The following RGS7 variants were observed in gnomAD, a reference collection of about 807,000 sequenced individuals.
RGS7 encodes the protein regulator of G-protein signaling 7.
In RGS7, 27 loss-of-function variants were observed where a neutral mutation model predicts 81.1. The ratio of observed to expected loss-of-function variants is 0.33; its 90% CI spans 0.25 to 0.46. RGS7 has a LOEUF of 0.46. RGS7 is among the 20% of genes least tolerant of loss of function. The pLI, the probability that RGS7 is intolerant of heterozygous loss-of-function variation, is 1.00. For synonymous variants in RGS7, 208 were observed against 207.7 expected (o/e 1.00, Z -0.01); for missense variants, 396 against 607.4 (o/e 0.65, Z 3.66).
At chr1:241,165,477 G>T (rs113892910) in intron 2 of RGS7, among the ~76,000 whole-genome samples, 21,736 of 151,748 alleles carry the variant, frequency 0.14, 1,950 homozygotes, top group Middle Eastern at 0.27. Flanking sequence ...CATGTCCTTT[G>T]TAGGGACATG....
rs373357799 is a variant in RGS7, at chr1:241,271,884, C to CGTGTGTGTGTGTGTGT, written c.78+83799_78+83814dup. Among the ~76,000 whole-genome samples, 6 of 140,376 alleles carry CGTGTGTGTGTGTGTGT rather than the reference C, an allele frequency of 4.3e-5. No individual in the cohort carries two copies. Among genetic ancestry groups the CGTGTGTGTGTGTGTGT allele is most frequent in the African/African-American group, 1.6e-4 (6 of 36,978 alleles). The allele number at this position is 140,376 out of a possible 152,430, so 92.1% of individuals were successfully genotyped here. A position where few individuals can be genotyped will look rare whatever the true frequency, so the allele number is the denominator to read the frequency against. On this transcript the variant is annotated intron_variant, in intron 2 of 18. Coordinates refer to ENST00000440928, the MANE Select transcript of RGS7 (RefSeq NM_001364886.1). This position sits in a 1 kb window ranked among gnomAD's most constrained non-coding sequence, Gnocchi z 4.6. ...AATCACACAAGCCAAATCTTTATAA[C>CGTGTGTGTGTGTGTGT]GTGTGTGTGTGTGTGTGTGTGTGTG...
At chr1:240,887,322 G>C (rs1207903228) in intron 6 of RGS7, among the ~76,000 whole-genome samples, 1 of 146,234 alleles carries the variant, frequency 6.8e-6, no homozygotes, top group East Asian at 2.0e-4. Context: ...TCTGCCTCCT[G>C]GGTTCACGCC....
intron 2 of RGS7, among the ~76,000 whole-genome samples, chr1:241,298,938 T>C (rs911495308): frequency 2.6e-5 from 4 of 152,092 alleles, no homozygotes; most frequent in East Asian, 1.9e-4. Context: ...CAAAAACAAA[T>C]GTAACAAGGT....
chr1:241,322,199 C>T (rs1347830573), intron 2 of RGS7, among the ~76,000 whole-genome samples: 1 of 152,206 alleles, frequency 6.6e-6, no homozygotes, highest in Non-Finnish European at 1.5e-5. Context: ...CCACATCTTG[C>T]TCACCTTTGT....
rs35683744 is a variant in RGS7, at chr1:241,048,955, G to C, written c.175+49711C>G. Among the ~76,000 whole-genome samples the C allele has an allele frequency of 6.6e-5, 10 of 152,130 alleles. No individual in the cohort carries two copies. In the East Asian group the frequency reaches 1.4e-3, roughly 21 times the overall value. ...TTGCTGACAATTGTTGACACTCCTC[G>C]GCTTGCAGCTGCGGCACTTCAGTGT... is the stretch of plus-strand genomic sequence containing the variant. On this transcript the variant is annotated intron_variant, in intron 3 of 18. Coordinates refer to ENST00000440928, the MANE Select transcript of RGS7 (RefSeq NM_001364886.1).
At chr1:240,947,347 C>T (rs919820944) in intron 4 of RGS7, among the ~76,000 whole-genome samples, 7 of 152,162 alleles carry the variant, frequency 4.6e-5, no homozygotes, top group African/African-American at 7.2e-5. Context: ...TCTGAACAGC[C>T]TTTGTGACAT....
intron 9 of RGS7, among the ~76,000 whole-genome samples, chr1:240,827,412 A>G (rs1007917871): frequency 2.0e-5 from 3 of 152,214 alleles, no homozygotes; most frequent in African/African-American, 7.2e-5. Context: ...TAACTCCCAG[A>G]GAAACAGGAA....
chr1:241,135,208 C>T (rs1434046034), intron 2 of RGS7, among the ~76,000 whole-genome samples: 1 of 152,124 alleles, frequency 6.6e-6, no homozygotes, highest in African/African-American at 2.4e-5. Context: ...GGGCAGATCA[C>T]GAGGTCAGGA....
At chr1:241,240,795 G>A (rs1386127988) in intron 2 of RGS7, among the ~76,000 whole-genome samples, 1 of 152,038 alleles carries the variant, frequency 6.6e-6, no homozygotes, top group Non-Finnish European at 1.5e-5. Context: ...TAAAAATATA[G>A]GTAAACGGCT....
At chr1:241,311,569 T>G (rs577011263) in intron 2 of RGS7, among the ~76,000 whole-genome samples, 3 of 152,210 alleles carry the variant, frequency 2.0e-5, no homozygotes, top group Non-Finnish European at 4.4e-5. Context: ...GGAGGTGTTA[T>G]GCTCATATCC....
At chr1:241,020,264 A>C (rs1214403889) in intron 3 of RGS7, among the ~76,000 whole-genome samples, 1 of 152,314 alleles carries the variant, frequency 6.6e-6, no homozygotes, top group African/African-American at 2.4e-5. Context: ...TGTCATAAAA[A>C]TTATTGCAAA....
At chr1:240,937,718 G>A (rs1358967495) in intron 4 of RGS7, among the ~76,000 whole-genome samples, 2 of 152,178 alleles carry the variant, frequency 1.3e-5, no homozygotes, top group Admixed American at 6.5e-5. Context: ...AGTACCATCA[G>A]TAATGTTTCT....
chr1:241,049,548 C>T (rs1342232633), intron 3 of RGS7, among the ~76,000 whole-genome samples: 1 of 152,152 alleles, frequency 6.6e-6, no homozygotes, highest in Non-Finnish European at 1.5e-5. Flanking sequence ...AGGGCTTTCC[C>T]CTACCTTTAA....
At chr1:241,050,302 C>T (rs569481893) in intron 3 of RGS7, among the ~76,000 whole-genome samples, 1 of 151,964 alleles carries the variant, frequency 6.6e-6, no homozygotes, top group Non-Finnish European at 1.5e-5. Flanking sequence ...GGCATGCAGA[C>T]TGGAGCATCC....
chr1:241,219,007 T>G (rs1183826133), intron 2 of RGS7, among the ~76,000 whole-genome samples: 1 of 152,142 alleles, frequency 6.6e-6, no homozygotes, highest in Non-Finnish European at 1.5e-5. Context: ...AGGCATTAAG[T>G]GCTCTGCTTT....
chr1:240,802,577 A>G (rs1688201428), intron 16 of RGS7, among the ~76,000 whole-genome samples: 1 of 152,118 alleles, frequency 6.6e-6, no homozygotes, highest in Non-Finnish European at 1.5e-5. Context: ...TGACCTAATG[A>G]CTTTGTTACT....
chr1:241,121,930 C>T (rs2066293059), intron 2 of RGS7, among the ~76,000 whole-genome samples: 1 of 151,818 alleles, frequency 6.6e-6, no homozygotes, highest in South Asian at 2.1e-4. Context: ...TTTCAAATTC[C>T]CGAGCTTACG....
intron 3 of RGS7, among the ~76,000 whole-genome samples, chr1:241,040,225 C>T (rs1031993040): frequency 1.3e-5 from 2 of 152,166 alleles, no homozygotes; most frequent in Non-Finnish European, 2.9e-5. Context: ...AAACTTTCAA[C>T]TAAACTTTGA....
intron 18 of RGS7, among the ~76,000 whole-genome samples, chr1:240,793,611 A>ATATATATTTTTTTTTTTT: frequency 2.5e-5 from 2 of 78,810 alleles, no homozygotes; most frequent in African/African-American, 1.9e-4. Flanking sequence ...ATATATATAT[A>ATATATATTTTTTTTTTTT]TTTTTTTTTT....
Sources: gnomAD v4.1 joint callset for allele counts (sites outside exome capture counted in the v4.1 genomes callset) on GRCh38, gnomAD v4.1.1 for gene constraint, Gnocchi (gnomAD v3.1) non-coding constraint, MANE v1.5 for transcripts, NCBI Gene and HGNC (gene_info 2026-07-23, HGNC 2026-07-21) for gene names.